The following GRM1 variants were observed in gnomAD, a reference collection of about 807,000 sequenced individuals.
GRM1 encodes glutamate metabotropic receptor 1, also known as metabotropic glutamate receptor 1.
In GRM1, 33 loss-of-function variants were observed where a neutral mutation model predicts 90.9. The ratio of observed to expected loss-of-function variants is 0.36; its 90% confidence interval spans 0.28 to 0.49. The LOEUF (loss-of-function observed/expected upper bound fraction) is 0.49, where lower values mean the gene tolerates loss of function less well. Among genes scored for constraint, GRM1 ranks in the 20% least tolerant of loss-of-function variants. The pLI is 0.99. For missense variants in GRM1, 1,190 were observed against 1,534.3 expected, an observed-to-expected ratio of 0.78 and a Z score of 3.75; for synonymous variants, 700 against 613.2, an observed-to-expected ratio of 1.14 and a Z score of -2.09.
intron 2 of GRM1, among the ~76,000 whole-genome samples, chr6:146,201,451 C>T (rs1345008555): frequency 2.6e-5 from 4 of 152,152 alleles, no homozygotes; most frequent in Non-Finnish European, 1.5e-5. Context: ...ATTAAAGTGC[C>T]TGCCAATTTG....
intron 5 of GRM1, among the ~76,000 whole-genome samples, chr6:146,378,289 A>G (rs1776187517): frequency 6.6e-6 from 1 of 152,158 alleles, no homozygotes; most frequent in African/African-American, 2.4e-5. Flanking sequence ...CAGACCCCAG[A>G]ATGATAGATC....
chr6:146,213,447 G>T (rs1779748138), intron 2 of GRM1, among the ~76,000 whole-genome samples: 1 of 152,170 alleles, frequency 6.6e-6, no homozygotes, highest in Non-Finnish European at 1.5e-5. Flanking sequence ...TCTGCTTGTA[G>T]TATAGATGAC....
intron 5 of GRM1, among the ~76,000 whole-genome samples, chr6:146,367,966 A>T (rs1349898300): frequency 6.6e-6 from 1 of 152,096 alleles, no homozygotes; most frequent in Non-Finnish European, 1.5e-5. Flanking sequence ...TAGTATAGAC[A>T]TTTAAACTAT....
chr6:146,284,599 T>C (rs370427293), intron 2 of GRM1, among the ~76,000 whole-genome samples: 2 of 152,318 alleles, frequency 1.3e-5, no homozygotes, highest in South Asian at 4.1e-4. Context: ...GATTGAATCA[T>C]GGAGACGATT....
At chr6:146,065,462 A>AGATAAT (rs1455635149) in intron 1 of GRM1, among the ~76,000 whole-genome samples, 2 of 152,222 alleles carry the variant, frequency 1.3e-5, no homozygotes, top group South Asian at 4.1e-4. Flanking sequence ...TGTAAAATAC[A>AGATAAT]GATAATAATC....
chr6:146,367,040 C>T (rs1487455873), intron 5 of GRM1, among the ~76,000 whole-genome samples: 1 of 152,272 alleles, frequency 6.6e-6, no homozygotes, highest in African/African-American at 2.4e-5. Flanking sequence ...TCAGCTCTGA[C>T]ATTTAAGTCT....
intron 2 of GRM1, among the ~76,000 whole-genome samples, chr6:146,242,623 C>A (rs1241330479): frequency 6.6e-6 from 1 of 152,132 alleles, no homozygotes; most frequent in Admixed American, 6.6e-5. Context: ...GCTCTGTCGA[C>A]ACCCTTCTGA....
At chr6:146,068,114 ATT>A (rs34212976) in intron 1 of GRM1, among the ~76,000 whole-genome samples, 1 of 146,076 alleles carries the variant, frequency 6.8e-6, no homozygotes, top group Non-Finnish European at 1.5e-5. Flanking sequence ...CCTTCAAATA[ATT>A]TTTTTTTTTT....
intron 2 of GRM1, among the ~76,000 whole-genome samples, chr6:146,276,378 G>T (rs952930907): frequency 1.3e-5 from 2 of 152,016 alleles, no homozygotes; most frequent in African/African-American, 2.4e-5. Flanking sequence ...TTTCATTCCA[G>T]CCTCCAAATT....
intron 1 of GRM1, among the ~76,000 whole-genome samples, chr6:146,091,128 A>G (rs1361813056): frequency 6.6e-6 from 1 of 152,122 alleles, no homozygotes; most frequent in Non-Finnish European, 1.5e-5. Context: ...CTGGTCAGGA[A>G]TGGGAAGAAA....
intron 2 of GRM1, among the ~76,000 whole-genome samples, chr6:146,283,785 A>G (rs903068670): frequency 2.6e-5 from 4 of 152,194 alleles, no homozygotes; most frequent in Non-Finnish European, 5.9e-5. Context: ...AGAACTGGAC[A>G]GTGACATAGC....
chr6:146,172,497 G>A (rs369756063), intron 2 of GRM1, among the ~76,000 whole-genome samples: 1 of 152,160 alleles, frequency 6.6e-6, no homozygotes, highest in Non-Finnish European at 1.5e-5. Flanking sequence ...CTATTATTTT[G>A]AGCAGAAGGT....
At chr6:146,397,991 G>C (rs1391670090) in intron 6 of GRM1, among the ~76,000 whole-genome samples, 1 of 152,172 alleles carries the variant, frequency 6.6e-6, no homozygotes, top group African/African-American at 2.4e-5. Context: ...CCCAGAGCCT[G>C]ACAAATTTTT....
intron 7 of GRM1, among the ~76,000 whole-genome samples, chr6:146,429,769 T>C (rs1778337394): frequency 6.6e-6 from 1 of 152,192 alleles, no homozygotes; most frequent in Non-Finnish European, 1.5e-5. Flanking sequence ...GACTCAATGG[T>C]GTTTTCCGTT....
chr6:146,219,247 T>G (rs531998489), intron 2 of GRM1, among the ~76,000 whole-genome samples: 2 of 152,234 alleles, frequency 1.3e-5, no homozygotes, highest in East Asian at 3.9e-4. Flanking sequence ...TGGGAATATT[T>G]TAAATGTGTG....
At chr6:146,376,850 G>A (rs1776117979) in intron 5 of GRM1, among the ~76,000 whole-genome samples, 1 of 152,116 alleles carries the variant, frequency 6.6e-6, no homozygotes, top group Admixed American at 6.5e-5. Flanking sequence ...ATTCCCACAT[G>A]TCATGGGAGG....
At chr6:146,138,130 A>C (rs920054823) in intron 1 of GRM1, among the ~76,000 whole-genome samples, 10 of 151,874 alleles carry the variant, frequency 6.6e-5, no homozygotes, top group Non-Finnish European at 1.5e-4. Context: ...CTTCCTTTTC[A>C]ATTTGGATGC....
intron 1 of GRM1, among the ~76,000 whole-genome samples, chr6:146,127,731 A>C (rs751781269): frequency 3.3e-5 from 5 of 152,208 alleles, no homozygotes; most frequent in Admixed American, 1.3e-4. Context: ...CAAGATTTCA[A>C]TCTCCCCAAG....
chr6:146,163,713 CTCTT>C lies in GRM1; in HGVS notation c.950+4119_950+4122del, dbSNP rs1777814631. 2.0e-5 allele frequency among the ~76,000 whole-genome samples: 3 copies of C among 152,214 alleles called. No homozygotes were observed. In the South Asian group the frequency reaches 6.2e-4, roughly 31 times the overall value. ...TCTTAGTTTCCTTTTAACTTGCTCTCTCTTTCAGAGATTTATTTCACGGTTTAGA... is the reference window on the plus strand; with the variant it reads ...TCTTAGTTTCCTTTTAACTTGCTCTCTCAGAGATTTATTTCACGGTTTAGA... On this transcript the variant is annotated intron_variant, in intron 2 of 7. Coordinates refer to ENST00000282753, the MANE Select transcript of GRM1 (RefSeq NM_001278064.2).
Sources: gnomAD v4.1 joint callset for allele counts (sites outside exome capture counted in the v4.1 genomes callset) on GRCh38, gnomAD v4.1.1 for gene constraint, MANE v1.5 for transcripts, NCBI Gene and HGNC (gene_info 2026-07-23, HGNC 2026-07-21) for gene names.